Variants in CLIP2 observed in about 807,000 individuals in gnomAD.
CLIP2 encodes CAP-Gly domain-containing linker protein 2.
In CLIP2, 41 loss-of-function variants were observed where a neutral mutation model predicts 111.7. The ratio of observed to expected loss-of-function variants is 0.37; its 90% CI spans 0.29 to 0.48. The LOEUF (loss-of-function observed/expected upper bound fraction) is 0.48. Among genes scored for constraint, CLIP2 ranks in the 20% least tolerant of loss-of-function variants. The pLI is 0.99. For synonymous variants in CLIP2, 660 were observed against 644.2 expected, an observed-to-expected ratio of 1.02 and a Z score of -0.37; for missense variants, 1,160 against 1,422.1, an observed-to-expected ratio of 0.82 and a Z score of 2.96.
rs782346420 is a variant in CLIP2 at position 74,338,857 on chromosome 7, G to A, written c.531G>A (p.Thr177=). 58 of 1,608,988 alleles carry A rather than the reference G, an allele frequency of 3.6e-5. No homozygotes were observed. The highest frequency in any genetic ancestry group is 4.6e-5 in the Non-Finnish European group (54 of 1,179,918). ...TGTCATTGCATTCGGGCACGGCCAC[G>A]CCCCCGCTGACCAGCCGCGTCATCC... ...QNLSLHSGTA[T]PPLTSRVIPL... The change falls in exon 3 of 17, where the codon ACG becomes ACA. Residue 177 remains threonine (T), a synonymous_variant. Coordinates refer to ENST00000223398, the MANE Select transcript of CLIP2 (RefSeq NM_003388.5). This position sits in a 1 kb window ranked among gnomAD's most constrained non-coding sequence, Gnocchi z 4.3.
intron 2 of CLIP2, among the ~76,000 whole-genome samples, chr7:74,323,928 G>A (rs1472158250): frequency 5.3e-5 from 8 of 152,300 alleles, no homozygotes; most frequent in South Asian, 4.1e-4. Context: ...TGGTATCCCC[G>A]TCGTTAAGTG....
At chr7:74,320,768 G>A (rs1788927708) in intron 2 of CLIP2, among the ~76,000 whole-genome samples, 1 of 152,130 alleles carries the variant, frequency 6.6e-6, no homozygotes, top group Non-Finnish European at 1.5e-5. Context: ...ATGGGGGCAG[G>A]GCAGTGGGTG....
intron 13 of CLIP2, among the ~76,000 whole-genome samples, chr7:74,393,367 G>C (rs1562728648): frequency 1.4e-5 from 2 of 145,692 alleles, no homozygotes; most frequent in East Asian, 4.1e-4. Context: ...ATGGAGTTTT[G>C]CTCTTGTTGT....
rs558995960 is a variant in CLIP2 at position 74,340,246 on chromosome 7, A to G, written c.678+1242A>G. Among the ~76,000 whole-genome samples the G allele has an allele frequency of 2.0e-5, 3 of 152,190 alleles. No homozygotes were observed. The South Asian group carries it at 6.2e-4, about 32-fold the overall frequency. On this transcript the variant is annotated intron_variant, in intron 3 of 16. Transcript: ENST00000223398. ...CACCATCTCTACCAAAAATACAAAA[A>G]TTAGCTGGCTGTGATGGCGTGTGCC... is the stretch of plus-strand genomic sequence containing the variant.
chr7:74,367,520 C>T (rs1351227224), intron 8 of CLIP2, among the ~76,000 whole-genome samples: 1 of 151,898 alleles, frequency 6.6e-6, no homozygotes, highest in Non-Finnish European at 1.5e-5. Flanking sequence ...CAGATGGGTT[C>T]TCACTATATT....
At chr7:74,348,783 C>CTT (rs1584348833) in intron 3 of CLIP2, among the ~76,000 whole-genome samples, 1 of 111,590 alleles carries the variant, frequency 9.0e-6, no homozygotes, top group East Asian at 2.4e-4. Flanking sequence ...GAGCGAGACT[C>CTT]TGTCTCAAAA....
At chr7:74,330,224 T>C (rs1554731105) in intron 2 of CLIP2, among the ~76,000 whole-genome samples, 4 of 151,152 alleles carry the variant, frequency 2.6e-5, no homozygotes, top group Non-Finnish European at 4.4e-5. Context: ...CCACTGTGCC[T>C]AGCTTCCTCT....
intron 6 of CLIP2, among the ~76,000 whole-genome samples, chr7:74,358,578 T>A (rs1350843156): frequency 3.3e-5 from 5 of 152,030 alleles, no homozygotes; most frequent in South Asian, 2.1e-4. Context: ...CTTTTTTTTT[T>A]TTATTTTATT....
At chr7:74,386,033 C>T (rs1554314710) in intron 11 of CLIP2, among the ~76,000 whole-genome samples, 1 of 148,382 alleles carries the variant, frequency 6.7e-6, no homozygotes, top group Non-Finnish European at 1.5e-5. Flanking sequence ...TGAGCCACCT[C>T]GCCCAGCCTC....
At chr7:74,385,674 G>A (rs1791070615) in intron 11 of CLIP2, among the ~76,000 whole-genome samples, 1 of 149,478 alleles carries the variant, frequency 6.7e-6, no homozygotes, top group Non-Finnish European at 1.5e-5. Flanking sequence ...TGTTCTCCCT[G>A]TTTTTCACTT....
At chr7:74,318,715 A>C (rs1554729556) in intron 2 of CLIP2, among the ~76,000 whole-genome samples, 1 of 152,160 alleles carries the variant, frequency 6.6e-6, no homozygotes, top group Non-Finnish European at 1.5e-5. Flanking sequence ...CTCCATTTAA[A>C]AAAAAAATGA....
chr7:74,298,581 G>A (rs1564024060), intron 1 of CLIP2, among the ~76,000 whole-genome samples: 1 of 73,350 alleles, frequency 1.4e-5, no homozygotes, highest in East Asian at 6.4e-4. Flanking sequence ...AGGTTGGAGT[G>A]CAGTGGCGTG....
chr7:74,347,394 G>A (rs1016230899), intron 3 of CLIP2, among the ~76,000 whole-genome samples: 10 of 152,032 alleles, frequency 6.6e-5, no homozygotes, highest in African/African-American at 1.4e-4. Flanking sequence ...TCAGCCTCCC[G>A]GGTAGCTGGG....
intron 14 of CLIP2, among the ~76,000 whole-genome samples, chr7:74,397,545 A>C (rs1305278785): frequency 6.6e-6 from 1 of 151,968 alleles, no homozygotes; most frequent in Non-Finnish European, 1.5e-5. Flanking sequence ...GGAGTAATCA[A>C]CCACAAGCCA....
chr7:74,375,939 C>G lies in CLIP2; in HGVS notation c.1538C>G (p.Thr513Ser), dbSNP rs781890187. 1 of 1,599,318 alleles carries G rather than the reference C, an allele frequency of 6.3e-7. No individual in the cohort carries two copies. Residue 513 changes from threonine (T) to serine (S), a missense_variant, in exon 10 of 17, where the codon ACC becomes AGC. Thr to Ser is a moderately conservative substitution (Grantham distance 58). Coordinates refer to ENST00000223398, the MANE Select transcript of CLIP2 (RefSeq NM_003388.5). Reference sequence around the variant, plus strand: ...GTGCTGCAGCTGGAGGAGGAGCTCACCCTGCGCCGAGGTGAAATCGAGGAG... The same window carrying G: ...GTGCTGCAGCTGGAGGAGGAGCTCAGCCTGCGCCGAGGTGAAATCGAGGAG... ...SRVLQLEEELTLRRGEIEELQ... is the reference protein window; with the variant it reads ...SRVLQLEEELSLRRGEIEELQ...
At position 74,354,014 on chromosome 7, in the gene CLIP2, GCTT is replaced by G. The variant is rs1790082560; in HGVS notation, c.803+16_803+18del. 3 of 1,607,052 alleles carry G rather than the reference GCTT, an allele frequency of 1.9e-6. No homozygotes were observed. Among genetic ancestry groups the G allele is most frequent in the Non-Finnish European group, 2.6e-6 (3 of 1,175,770 alleles). On this transcript the variant is annotated intron_variant, in intron 4 of 16. Transcript: ENST00000223398. ...CGGTGGCGGGCACCAGGTATGGTGG[GCTT>G]CTTCTGGGGAGTATGGGAGGGGGCT...
At chr7:74,373,065 C>A in intron 9 of CLIP2, 29 bp downstream of exon 9, 1 of 1,478,638 alleles carries the variant, frequency 6.8e-7, no homozygotes, top group Non-Finnish European at 9.2e-7. Context: ...CCGCCTGGCC[C>A]GCCAGCCACC....
chr7:74,335,288 A>AAG (rs1554731911), intron 2 of CLIP2, among the ~76,000 whole-genome samples: 1 of 151,032 alleles, frequency 6.6e-6, no homozygotes, highest in East Asian at 1.9e-4. Context: ...AAAAAAAAAA[A>AAG]GTGCCCTGTC....
In CLIP2 at chr7:74,338,788, G is replaced by A. The variant is rs782005016; in HGVS notation, c.462G>A (p.Ser154=). 33 of 1,610,536 alleles carry A rather than the reference G, an allele frequency of 2.0e-5. No homozygotes were observed. The Admixed American group carries it at 2.5e-4, about 12-fold the overall frequency. ...KLTRQPTAEG[S]GSDAHSVESL... is the part of the protein sequence containing the mutation. ...CCCGGCAGCCCACGGCCGAGGGCTCGGGGAGTGATGCCCACTCCGTGGAGT... is the reference window on the plus strand; with the variant it reads ...CCCGGCAGCCCACGGCCGAGGGCTCAGGGAGTGATGCCCACTCCGTGGAGT... The change falls in exon 3 of 17, where the codon TCG becomes TCA. Residue 154 remains serine (S), a synonymous_variant. Coordinates refer to ENST00000223398, the MANE Select transcript of CLIP2 (RefSeq NM_003388.5). This position sits in a 1 kb window ranked among gnomAD's most constrained non-coding sequence, Gnocchi z 4.3.
Sources: gnomAD v4.1 joint callset for allele counts (sites outside exome capture counted in the v4.1 genomes callset) on GRCh38, gnomAD v4.1.1 for gene constraint, Gnocchi (gnomAD v3.1) non-coding constraint, MANE v1.5 for transcripts, NCBI Gene and HGNC (gene_info 2026-07-23, HGNC 2026-07-21) for gene names.